The following PCDHA1 variants were observed in gnomAD, a reference collection of about 807,000 sequenced individuals.
PCDHA1 encodes protocadherin alpha-1.
PCDHA1 carries 42 observed loss-of-function variants against 61.3 expected under a neutral mutation model. That is an observed-to-expected ratio of 0.69 (90% CI 0.54 to 0.89). PCDHA1 has a LOEUF of 0.89. Ranked by LOEUF, PCDHA1 falls within the 40% of genes least tolerant of loss-of-function variation. The pLI is 0.00. For synonymous variants in PCDHA1, 610 were observed against 553.8 expected (o/e 1.10, Z -1.43); for missense variants, 1,256 against 1,235.3 (o/e 1.02, Z -0.25).
chr5:140,977,514 A>G (rs1554238605), intron 1 of PCDHA1, among the ~76,000 whole-genome samples: 13 of 152,216 alleles, frequency 8.5e-5, no homozygotes. Context: ...CATTTTGTGA[A>G]CTTGAAAACA....
rs377026931 is a variant in PCDHA1 at position 140,803,502 on chromosome 5, C to T, written c.2394+14818C>T. On this transcript the variant is annotated intron_variant, in intron 1 of 3. Transcript: ENST00000504120. ...TGGAGAGGGGTTGCCCAAGACCGAC[C>T]TCATGGCTTTTAGCCCTAGCCTTCC... 1.9e-6 allele frequency: 3 copies of T among 1,614,132 alleles called. No individual in the cohort carries two copies. The African/African-American group carries it at 4.0e-5, about 22-fold the overall frequency.
rs193081186 is a variant in PCDHA1, at chr5:140,886,365, A to G, written c.2395-92584A>G. Among the ~76,000 whole-genome samples the G allele has an allele frequency of 3.1e-3, 466 of 152,304 alleles. 3 individuals carry two copies. Among genetic ancestry groups the G allele is most frequent in the Middle Eastern group, 0.014 (4 of 294 alleles). On this transcript the variant is annotated intron_variant, in intron 1 of 3. Transcript: ENST00000504120. Reference sequence around the variant, plus strand: ...GTGCAGGTTTGTTACATAGGTGTACATGCCATGGTGTGCTTATCTATTATC... The same window carrying G: ...GTGCAGGTTTGTTACATAGGTGTACGTGCCATGGTGTGCTTATCTATTATC...
At chr5:140,896,113 T>G (rs10053583) in intron 1 of PCDHA1, among the ~76,000 whole-genome samples, 1 of 152,170 alleles carries the variant, frequency 6.6e-6, no homozygotes, top group East Asian at 1.9e-4. Flanking sequence ...GCCTGGCCAA[T>G]GTACTGCATT....
chr5:140,869,588 T>TC, intron 1 of PCDHA1: 1 of 1,614,114 alleles, frequency 6.2e-7, no homozygotes. Context: ...GATGCTGACA[T>TC]TGAAGAGAAT....
intron 1 of PCDHA1, chr5:140,830,053 C>T (rs2150180331): frequency 4.3e-6 from 7 of 1,613,618 alleles, no homozygotes; most frequent in Non-Finnish European, 2.5e-6. Flanking sequence ...TGAAAGACCA[C>T]GGTGAGCCGG....
At chr5:140,878,110 AC>A (rs1554170303) in intron 1 of PCDHA1, 1 of 249,146 alleles carries the variant, frequency 4.0e-6, no homozygotes, top group African/African-American at 2.3e-5. Context: ...CTTGAAAAAA[AC>A]AGTATATTAG....
chr5:140,961,343 T>C (rs2095605708), intron 1 of PCDHA1, among the ~76,000 whole-genome samples: 1 of 152,210 alleles, frequency 6.6e-6, no homozygotes, highest in South Asian at 2.1e-4. Flanking sequence ...CAAGAGTGGA[T>C]CCCTGTAGTC....
chr5:140,902,650 G>C (rs868917041), intron 1 of PCDHA1, among the ~76,000 whole-genome samples: 5 of 152,138 alleles, frequency 3.3e-5, no homozygotes, highest in Admixed American at 1.3e-4. Context: ...AGATTTTGGT[G>C]CACCTGTCAC....
intron 1 of PCDHA1, chr5:140,788,913 G>C: frequency 9.8e-7 from 1 of 1,019,814 alleles, no homozygotes; most frequent in East Asian, 2.8e-5. Flanking sequence ...TAAATGGCAG[G>C]TTAAAAAAGC....
At position 140,863,955 on chromosome 5, in the gene PCDHA1, T is replaced by C. The variant is rs181544244; in HGVS notation, c.2394+75271T>C. 570 of 158,126 alleles carry C rather than the reference T, an allele frequency of 3.6e-3. 3 individuals carry two copies. The highest frequency in any genetic ancestry group is 0.014 in the Middle Eastern group (4 of 294). The allele number at this position is 158,126 out of a possible 1,614,324, so 9.8% of individuals were successfully genotyped here. ...GGCAGAGGTTGCGGTGAGCCTAGAT[T>C]AGGCCACTGCACTACAGCCTGGGAG... is the stretch of plus-strand genomic sequence containing the variant. On this transcript the variant is annotated intron_variant, in intron 1 of 3. Coordinates refer to ENST00000504120, the MANE Select transcript of PCDHA1 (RefSeq NM_018900.4).
At chr5:140,815,979 A>G (rs1554126949) in intron 1 of PCDHA1, 1 of 152,130 alleles carries the variant, frequency 6.6e-6, no homozygotes, top group African/African-American at 2.4e-5. Context: ...GTACGTGATG[A>G]GGCATTTTTC....
intron 1 of PCDHA1, chr5:140,803,182 C>G: frequency 6.2e-7 from 1 of 1,613,918 alleles, no homozygotes. Context: ...TTGACCGCCA[C>G]GGCCACTGTG....
chr5:140,886,281 T>C (rs2060932567), intron 1 of PCDHA1, among the ~76,000 whole-genome samples: 1 of 151,934 alleles, frequency 6.6e-6, no homozygotes, highest in African/African-American at 2.4e-5. Flanking sequence ...TTTTTAAAAT[T>C]ATTTTTATAT....
intron 1 of PCDHA1, among the ~76,000 whole-genome samples, chr5:140,919,585 G>A (rs2079204849): frequency 6.6e-6 from 1 of 151,898 alleles, no homozygotes; most frequent in African/African-American, 2.4e-5. Flanking sequence ...ATGTAACATG[G>A]TAATTTTTAA....
chr5:140,910,737 G>A (rs1405978966), intron 1 of PCDHA1, among the ~76,000 whole-genome samples: 2 of 152,008 alleles, frequency 1.3e-5, no homozygotes, highest in African/African-American at 4.8e-5. Context: ...AGCTAACCAA[G>A]CACATAAATT....
At chr5:140,892,885 ACCAACCTTTCC>A (rs1269753589) in intron 1 of PCDHA1, among the ~76,000 whole-genome samples, 1 of 152,154 alleles carries the variant, frequency 6.6e-6, no homozygotes, top group Non-Finnish European at 1.5e-5. Flanking sequence ...GTATCCATTA[ACCAACCTTTCC>A]CCATCCTCCT....
At chr5:140,804,043 T>C in intron 1 of PCDHA1, 1 of 170,986 alleles carries the variant, frequency 5.8e-6, no homozygotes, top group Non-Finnish European at 1.2e-5. Flanking sequence ...TGCTTATAAC[T>C]CCCTATTGAT....
At chr5:140,959,826 T>C (rs2095512884) in intron 1 of PCDHA1, among the ~76,000 whole-genome samples, 1 of 152,224 alleles carries the variant, frequency 6.6e-6, no homozygotes, top group Non-Finnish European at 1.5e-5. Flanking sequence ...CACATGATAA[T>C]GTATTATGCC....
chr5:140,869,284 C>T, intron 1 of PCDHA1: 1 of 1,613,582 alleles, frequency 6.2e-7, no homozygotes, highest in Non-Finnish European at 8.5e-7. Flanking sequence ...GGAGCTGGTG[C>T]AGCGCCTGTT....
Sources: gnomAD v4.1 joint callset for allele counts (sites outside exome capture counted in the v4.1 genomes callset) on GRCh38, gnomAD v4.1.1 for gene constraint, MANE v1.5 for transcripts, NCBI Gene and HGNC (gene_info 2026-07-23, HGNC 2026-07-21) for gene names.